The following ZNF536 variants were observed in gnomAD, a reference collection of about 807,000 sequenced individuals.
The protein encoded by ZNF536 is zinc finger protein 536.
In ZNF536, 13 loss-of-function variants were observed where a neutral mutation model predicts 84.5. That is an observed-to-expected ratio of 0.15 (90% confidence interval 0.10 to 0.24). The LOEUF (loss-of-function observed/expected upper bound fraction) is 0.24, where lower values mean the gene tolerates loss of function less well. Among genes scored for constraint, ZNF536 ranks in the 10% least tolerant of loss-of-function variants. The probability of loss-of-function intolerance (pLI) is 1.00; values close to 1 mark genes in which losing one functional copy is unlikely to be tolerated. For missense variants in ZNF536, 1,536 were observed against 1,747.5 expected, an observed-to-expected ratio of 0.88 and a Z score of 2.16; for synonymous variants, 811 against 742.5, an observed-to-expected ratio of 1.09 and a Z score of -1.50.
intron 1 of ZNF536, among the ~76,000 whole-genome samples, chr19:30,582,663 C>T (rs1216305941): frequency 6.6e-6 from 1 of 152,070 alleles, no homozygotes; most frequent in Non-Finnish European, 1.5e-5. Context: ...TTAATGGACT[C>T]ACAGTTCTTT....
At chr19:30,671,585 G>A (rs1406955035) in intron 1 of ZNF536, among the ~76,000 whole-genome samples, 1 of 152,152 alleles carries the variant, frequency 6.6e-6, no homozygotes, top group Non-Finnish European at 1.5e-5. Context: ...GGCCCCAGGT[G>A]CTGAGAGGGC....
At chr19:30,291,871 A>T (rs1477253145) in intron 2 of ZNF536, among the ~76,000 whole-genome samples, 2 of 152,232 alleles carry the variant, frequency 1.3e-5, no homozygotes, top group African/African-American at 4.8e-5. Context: ...GATTGAAAAA[A>T]ATCAAAAGAA....
chr19:30,343,936 A>G (rs1452892595), intron 2 of ZNF536, among the ~76,000 whole-genome samples: 2 of 152,128 alleles, frequency 1.3e-5, no homozygotes, highest in Non-Finnish European at 2.9e-5. Context: ...CCTTAAAAAA[A>G]AACTTATTTC....
At chr19:30,226,056 C>T (rs1000121688), upstream of ZNF536, among the ~76,000 whole-genome samples, 67 of 152,110 alleles carry the variant, frequency 4.4e-4, no homozygotes, top group African/African-American at 1.3e-3. This position sits in a 1 kb window ranked among gnomAD's most constrained non-coding sequence, Gnocchi z 4.6. Flanking sequence ...CGCCTCCCCG[C>T]CCGCGGTCCC....
chr19:30,664,521 T>C (rs2050247634), intron 1 of ZNF536, among the ~76,000 whole-genome samples: 1 of 152,134 alleles, frequency 6.6e-6, no homozygotes, highest in African/African-American at 2.4e-5. Context: ...TCCTGCTGTC[T>C]GGGTGATCAC....
intron 3 of ZNF536, among the ~76,000 whole-genome samples, chr19:30,360,080 C>CA (rs1446020662): frequency 6.6e-6 from 1 of 152,210 alleles, no homozygotes; most frequent in East Asian, 1.9e-4. Flanking sequence ...GAGAGGCAAG[C>CA]AGGTGGCCCA....
At chr19:30,293,092 A>G (rs900270053) in intron 2 of ZNF536, among the ~76,000 whole-genome samples, 1 of 151,534 alleles carries the variant, frequency 6.6e-6, no homozygotes, top group African/African-American at 2.4e-5. Flanking sequence ...GCCCACCCCA[A>G]CACATTTTTC....
intron 2 of ZNF536, among the ~76,000 whole-genome samples, chr19:30,526,204 T>C (rs755654626): frequency 4.7e-4 from 71 of 152,174 alleles, no homozygotes; most frequent in Non-Finnish European, 9.7e-4. Context: ...ATTCTGTGAA[T>C]CCCAAACCTT....
chr19:30,468,727 C>T (rs563441257), intron 2 of ZNF536, among the ~76,000 whole-genome samples: 1 of 152,180 alleles, frequency 6.6e-6, no homozygotes, highest in South Asian at 2.1e-4. Flanking sequence ...CAGCAAATGT[C>T]GTGAGTGCAG....
chr19:30,332,434 G>A (rs575088989), intron 2 of ZNF536, among the ~76,000 whole-genome samples: 5 of 152,160 alleles, frequency 3.3e-5, no homozygotes, highest in Non-Finnish European at 4.4e-5. Context: ...CTCAGTGGGC[G>A]TCCAGGCATC....
At chr19:30,578,600 C>T (rs957884937) in intron 1 of ZNF536, among the ~76,000 whole-genome samples, 1 of 152,238 alleles carries the variant, frequency 6.6e-6, no homozygotes, top group African/African-American at 2.4e-5. Flanking sequence ...ATATTGGGCA[C>T]TGCTCATGCA....
chr19:30,310,680 T>C (rs927123476), intron 2 of ZNF536, among the ~76,000 whole-genome samples: 3 of 152,188 alleles, frequency 2.0e-5, no homozygotes, highest in Admixed American at 6.5e-5. Context: ...TCTGGTAGAA[T>C]CTCCATCAAA....
intron 1 of ZNF536, among the ~76,000 whole-genome samples, chr19:30,644,669 A>G (rs1261393374): frequency 6.6e-6 from 1 of 152,182 alleles, no homozygotes; most frequent in Admixed American, 6.5e-5. Context: ...TTCCAGCTTC[A>G]TCCATGTCCC....
chr19:30,532,499 G>A (rs2145898354), intron 2 of ZNF536, among the ~76,000 whole-genome samples: 1 of 152,244 alleles, frequency 6.6e-6, no homozygotes, highest in Middle Eastern at 3.4e-3. Flanking sequence ...GGACACCTTA[G>A]TCCTGCTTAT....
intron 3 of ZNF536, among the ~76,000 whole-genome samples, chr19:30,364,508 A>T (rs748649839): frequency 5.3e-5 from 8 of 152,198 alleles, no homozygotes; most frequent in Non-Finnish European, 8.8e-5. Flanking sequence ...ACAGAGAAAG[A>T]TCCTGTCTTA....
At chr19:30,539,598 G>A (rs1481841524) in intron 3 of ZNF536, among the ~76,000 whole-genome samples, 1 of 152,184 alleles carries the variant, frequency 6.6e-6, no homozygotes, top group Non-Finnish European at 1.5e-5. Flanking sequence ...TGTCCCCAGA[G>A]TCTCCTGAGA....
intron 1 of ZNF536, among the ~76,000 whole-genome samples, chr19:30,268,759 G>A (rs1486702679): frequency 6.6e-6 from 1 of 152,134 alleles, no homozygotes; most frequent in Non-Finnish European, 1.5e-5. Flanking sequence ...AACATTCCTC[G>A]CCGCTTCAGT....
At chr19:30,490,475 T>G (rs1254900735) in intron 2 of ZNF536, among the ~76,000 whole-genome samples, 1 of 152,164 alleles carries the variant, frequency 6.6e-6, no homozygotes, top group African/African-American at 2.4e-5. Flanking sequence ...TCACATCCCT[T>G]GCTGAACTGG....
intron 1 of ZNF536, among the ~76,000 whole-genome samples, chr19:30,404,909 T>C (rs1056791942): frequency 6.6e-6 from 1 of 152,226 alleles, no homozygotes; most frequent in African/African-American, 2.4e-5. Context: ...AGGCTTCACG[T>C]TGGGGTTCCC....
Sources: gnomAD v4.1 joint callset for allele counts (sites outside exome capture counted in the v4.1 genomes callset) on GRCh38, gnomAD v4.1.1 for gene constraint, Gnocchi (gnomAD v3.1) non-coding constraint, MANE v1.5 for transcripts, NCBI Gene and HGNC (gene_info 2026-07-23, HGNC 2026-07-21) for gene names.